Variants in PSTPIP2 observed in about 807,000 individuals in gnomAD.
The protein encoded by PSTPIP2 is proline-serine-threonine phosphatase-interacting protein 2.
A neutral mutation model predicts 63.3 loss-of-function variants in PSTPIP2; 33 were observed. That is an observed-to-expected ratio of 0.52 (90% CI 0.40 to 0.70). The LOEUF (loss-of-function observed/expected upper bound fraction) is 0.70, where lower values mean the gene tolerates loss of function less well. Ranked by LOEUF, PSTPIP2 falls within the 30% of genes least tolerant of loss-of-function variation. The probability of loss-of-function intolerance (pLI) is 0.00; values close to 1 mark genes in which losing one functional copy is unlikely to be tolerated. For missense variants in PSTPIP2, 312 were observed against 400.7 expected, an observed-to-expected ratio of 0.78 and a Z score of 1.89; for synonymous variants, 125 against 132.7, an observed-to-expected ratio of 0.94 and a Z score of 0.40.
At chr18:46,037,375 G>A (rs1042696606) in intron 2 of PSTPIP2, among the ~76,000 whole-genome samples, 1 of 152,098 alleles carries the variant, frequency 6.6e-6, no homozygotes, top group African/African-American at 2.4e-5. Flanking sequence ...TCAAACTCTC[G>A]ACCTCAGGTG....
At position 45,997,670 on chromosome 18, in the gene PSTPIP2, C is replaced by T. The variant is rs562445397; in HGVS notation, c.642+79G>A. On this transcript the variant is annotated intron_variant, in intron 9 of 14. Transcript: ENST00000409746. ...CTCCCCTCCCCCTCCTCCCCTCCCC[C>T]CCCCGTCCTGAGCAGCTTCCTGTTA... The T allele has an allele frequency of 1.1e-4, 24 of 228,142 alleles. No individual in the cohort carries two copies. In the East Asian group the frequency reaches 2.2e-3, roughly 21 times the overall value. The allele number at this position is 228,142 out of a possible 1,614,324, so 14.1% of individuals were successfully genotyped here.
rs58786055 is a variant in PSTPIP2, at chr18:45,985,433, C to G, written c.*26G>C. On this transcript the variant is annotated 3_prime_UTR_variant, in exon 15 of 15. Transcript: ENST00000409746. ...CTTTCCATATCACAGAAGCACTAGC[C>G]GGAAAAAGCTCTGGTTTCTGAAAGA... 6.2e-7 allele frequency: 1 copy of G among 1,607,328 alleles called. No homozygotes were observed. Among genetic ancestry groups the G allele is most frequent in the South Asian group, 1.1e-5 (1 of 90,696 alleles).
At chr18:46,065,159 AAAAAAGAAAAG>A (rs1400126123) in intron 1 of PSTPIP2, among the ~76,000 whole-genome samples, 2 of 150,930 alleles carry the variant, frequency 1.3e-5, no homozygotes, top group Admixed American at 6.6e-5. Flanking sequence ...AAAAAAAAAA[AAAAAAGAAAAG>A]AAAAGAAAAG....
Position 46,039,881 on chromosome 18 carries a change from T to C in PSTPIP2, c.134+66A>G, listed in dbSNP as rs957447560. On this transcript the variant is annotated intron_variant, in intron 2 of 14. Coordinates refer to ENST00000409746, the MANE Select transcript of PSTPIP2 (RefSeq NM_024430.4). Reference sequence around the variant, plus strand: ...TTAAACACAAATGAAAAAAAGGAAATTGTTCCTTGTCTGTGTGGAGACATC... The same window carrying C: ...TTAAACACAAATGAAAAAAAGGAAACTGTTCCTTGTCTGTGTGGAGACATC... 7.5e-5 allele frequency: 102 copies of C among 1,361,262 alleles called. 1 individual carries two copies. Among genetic ancestry groups the C allele is most frequent in the Admixed American group, 1.2e-4 (7 of 58,786 alleles). The allele number at this position is 1,361,262 out of a possible 1,614,324, so 84.3% of individuals were successfully genotyped here. A position where few individuals can be genotyped will look rare whatever the true frequency, so the allele number is the denominator to read the frequency against.
chr18:46,071,379 G>A (rs966500669), intron 1 of PSTPIP2, among the ~76,000 whole-genome samples: 1 of 152,224 alleles, frequency 6.6e-6, no homozygotes, highest in African/African-American at 2.4e-5. Context: ...GGGGCACCTG[G>A]GGAGTGAGAG....
chr18:46,031,482 T>C (rs921645869), intron 2 of PSTPIP2, among the ~76,000 whole-genome samples: 5 of 152,170 alleles, frequency 3.3e-5, no homozygotes, highest in African/African-American at 9.7e-5. Flanking sequence ...CTCCTGACAA[T>C]GTAAAGTGCA....
intron 2 of PSTPIP2, chr18:46,028,279 G>A: frequency 2.2e-6 from 1 of 445,870 alleles, no homozygotes. Flanking sequence ...TAGAACCGCA[G>A]CGAAGCCGAA....
At chr18:46,072,054 C>G in intron 1 of PSTPIP2, 102 bp downstream of exon 1, 1 of 1,384,394 alleles carries the variant, frequency 7.2e-7, no homozygotes, top group Middle Eastern at 2.6e-4. Context: ...GCGCGGTCAC[C>G]GAGTGGCGCC....
In PSTPIP2 at chr18:45,998,776, T is replaced by C. The variant is rs769843026; in HGVS notation, c.562+18A>G. ...CCCACCAGCAACCCTCCCCCATCCG[T>C]AGGAACTGCCCCCTCACCTGAGTCC... On this transcript the variant is annotated intron_variant, in intron 8 of 14. Coordinates refer to ENST00000409746, the MANE Select transcript of PSTPIP2 (RefSeq NM_024430.4). 1.2e-6 allele frequency: 2 copies of C among 1,609,100 alleles called. No homozygotes were observed. The highest frequency in any genetic ancestry group is 1.7e-6 in the Non-Finnish European group (2 of 1,176,420).
At chr18:46,051,929 A>T (rs527919658) in intron 1 of PSTPIP2, among the ~76,000 whole-genome samples, 3 of 152,218 alleles carry the variant, frequency 2.0e-5, no homozygotes, top group Non-Finnish European at 4.4e-5. Context: ...CAAATCAGTG[A>T]TGCGTTCAAG....
In PSTPIP2 at chr18:46,024,668, C is replaced by T. The variant is rs2289264; in HGVS notation, c.153G>A (p.Arg51=). ...FLKERAAIEE[R]YGKDLLNLSR... ...AGAGGTTGAGCAGATCTTTGCCATA[C>T]CTCTCTTCAATTGCTGCCCTAGGGG... Residue 51 remains arginine (R), a synonymous_variant, in exon 3 of 15, where the codon AGG becomes AGA. Coordinates refer to ENST00000409746, the MANE Select transcript of PSTPIP2 (RefSeq NM_024430.4). 9,504 of 1,613,988 alleles carry T rather than the reference C, an allele frequency of 5.9e-3. 224 individuals carry two copies. In the Admixed American group the frequency reaches 0.063, roughly 11 times the overall value.
intron 5 of PSTPIP2, among the ~76,000 whole-genome samples, chr18:46,009,391 AC>A (rs370751745): frequency 0.13 from 4,650 of 35,914 alleles, 876 homozygotes; most frequent in African/African-American, 0.29. Flanking sequence ...AAAAAAAAAA[AC>A]CTAGCTAAAT....
At chr18:46,017,761 T>C (rs2051867448) in intron 3 of PSTPIP2, among the ~76,000 whole-genome samples, 1 of 152,164 alleles carries the variant, frequency 6.6e-6, no homozygotes, top group Non-Finnish European at 1.5e-5. Context: ...CTTACACTTT[T>C]TGTGATGAGA....
intron 2 of PSTPIP2, among the ~76,000 whole-genome samples, chr18:46,025,362 T>C (rs764967702): frequency 1.3e-5 from 2 of 151,966 alleles, no homozygotes; most frequent in Non-Finnish European, 2.9e-5. Flanking sequence ...ACCACAAAGG[T>C]AGACAGTCTA....
chr18:46,009,362 T>TAAAAAA lies in PSTPIP2; in HGVS notation c.354+1813_354+1818dup, dbSNP rs749693553. 2.9e-3 allele frequency among the ~76,000 whole-genome samples: 135 copies of TAAAAAA among 46,822 alleles called. 5 individuals carry two copies. The highest frequency in any genetic ancestry group is 0.013 in the African/African-American group (129 of 9,996). 30.7% of individuals were successfully genotyped at this position (46,822 alleles called of 152,430 possible). A position where few individuals can be genotyped will look rare whatever the true frequency, so the allele number is the denominator to read the frequency against. ...CATTTTCTTCCAAAGTTTTATGGTG[T>TAAAAAA]AAAAAAAAAAAAAAAAAAAAAAAAA... On this transcript the variant is annotated intron_variant, in intron 5 of 14. Coordinates refer to ENST00000409746, the MANE Select transcript of PSTPIP2 (RefSeq NM_024430.4).
intron 10 of PSTPIP2, 95 bp downstream of exon 10, chr18:45,993,510 C>T: frequency 8.1e-7 from 1 of 1,237,792 alleles, no homozygotes; most frequent in Non-Finnish European, 1.2e-6. Context: ...CTTACTTCAC[C>T]AAGGGCAAAG....
chr18:46,007,697 T>G (rs1193561200), intron 5 of PSTPIP2, among the ~76,000 whole-genome samples: 1 of 152,240 alleles, frequency 6.6e-6, no homozygotes, highest in African/African-American at 2.4e-5. Flanking sequence ...TAGGCCACCT[T>G]ACCTGTAAGA....
At chr18:46,024,758 C>T in intron 2 of PSTPIP2, 72 bp from the exon 3 acceptor site, 1 of 1,253,370 alleles carries the variant, frequency 8.0e-7, no homozygotes, top group Non-Finnish European at 1.2e-6. Flanking sequence ...ATGACCCTCC[C>T]TTGGAAAGCA....
At chr18:46,058,502 G>T (rs1245311732) in intron 1 of PSTPIP2, among the ~76,000 whole-genome samples, 1 of 151,790 alleles carries the variant, frequency 6.6e-6, no homozygotes, top group African/African-American at 2.4e-5. Flanking sequence ...GACTACAGGG[G>T]TGCGCCACCA....
Sources: gnomAD v4.1 joint callset for allele counts (sites outside exome capture counted in the v4.1 genomes callset) on GRCh38, gnomAD v4.1.1 for gene constraint, MANE v1.5 for transcripts, NCBI Gene and HGNC (gene_info 2026-07-23, HGNC 2026-07-21) for gene names.